The following INTS3 variants were observed in gnomAD, a reference collection of about 807,000 sequenced individuals.
The protein encoded by INTS3 is SOSS complex subunit A.
Under a neutral mutation model 146.3 loss-of-function variants are expected in INTS3, and 34 were observed. The observed-to-expected ratio is 0.23, with a 90% CI of 0.18 to 0.31. The LOEUF is 0.31. Among genes scored for constraint, INTS3 ranks in the 10% least tolerant of loss-of-function variants. The pLI is 1.00. For missense variants in INTS3, 757 were observed against 1,304.2 expected, an observed-to-expected ratio of 0.58 and a Z score of 6.46; for synonymous variants, 475 against 494.9, an observed-to-expected ratio of 0.96 and a Z score of 0.53.
At chr1:153,767,976 C>T in intron 21 of INTS3, 149 bp downstream of exon 21, 1 of 694,432 alleles carries the variant, frequency 1.4e-6, no homozygotes, top group Non-Finnish European at 2.2e-6. Flanking sequence ...CTGTCCCCTC[C>T]TTCCACTTCT....
chr1:153,761,368 G>A (rs899252646), intron 13 of INTS3: 1 of 534,562 alleles, frequency 1.9e-6, no homozygotes, highest in Non-Finnish European at 3.3e-6. Flanking sequence ...AAATTAGCCA[G>A]GTGTGATGGT....
intron 18 of INTS3, 125 bp from the exon 19 acceptor site, chr1:153,764,565 G>A: frequency 1.3e-6 from 1 of 798,714 alleles, no homozygotes; most frequent in Non-Finnish European, 2.3e-6. Context: ...CAAGCCTGCG[G>A]AGCAGCAGGA....
chr1:153,766,111 T>TTC (rs1177307531), intron 20 of INTS3, among the ~76,000 whole-genome samples: 1 of 148,970 alleles, frequency 6.7e-6, no homozygotes, highest in South Asian at 2.1e-4. Flanking sequence ...GCTTTTTTCT[T>TTC]TCTCTTTTTT....
In INTS3 at chr1:153,728,496, T is replaced by G; in HGVS notation, c.-139T>G. On this transcript the variant is annotated 5_prime_UTR_variant, in exon 1 of 30. Transcript: ENST00000318967. ...CGGCCTTTTGGAGAGGAGGGAGGAG[T>G]GGAGAGGACAGGGGCCCTTGCTCTC... The G allele has an allele frequency of 4.0e-6, 4 of 997,316 alleles. No homozygotes were observed. The highest frequency in any genetic ancestry group is 2.9e-5 in the East Asian group (1 of 34,992). 61.8% of individuals were successfully genotyped at this position (997,316 alleles called of 1,614,324 possible). A position where few individuals can be genotyped will look rare whatever the true frequency, so the allele number is the denominator to read the frequency against.
intron 18 of INTS3, 68 bp downstream of exon 18, chr1:153,764,289 G>C: frequency 9.6e-7 from 1 of 1,044,156 alleles, no homozygotes; most frequent in Non-Finnish European, 1.5e-6. Context: ...CTGAGTCCAA[G>C]AGACCCCTTA....
intron 21 of INTS3, among the ~76,000 whole-genome samples, 186 bp from the exon 22 acceptor site, chr1:153,768,707 T>G (rs1301715012): frequency 6.6e-6 from 1 of 152,074 alleles, no homozygotes; most frequent in Non-Finnish European, 1.5e-5. Flanking sequence ...TAACAAAACT[T>G]GGGGGCTTCA....
chr1:153,752,528 G>T, intron 8 of INTS3, 120 bp downstream of exon 8: 1 of 1,035,060 alleles, frequency 9.7e-7, no homozygotes, highest in Non-Finnish European at 1.4e-6. Context: ...GATTTAGGAA[G>T]CCTGGGACAG....
chr1:153,751,014 T>C, intron 6 of INTS3, 81 bp from the exon 7 acceptor site: 1 of 1,436,138 alleles, frequency 7.0e-7, no homozygotes, highest in East Asian at 2.3e-5. Flanking sequence ...TGAGGCACTG[T>C]AGCCAAGCCC....
In INTS3 at chr1:153,764,942, A is replaced by G; in HGVS notation, c.1971-2A>G. On this transcript the variant is annotated splice_acceptor_variant, in intron 19 of 29. Coordinates refer to ENST00000318967, the MANE Select transcript of INTS3 (RefSeq NM_023015.5). LOFTEE classifies it high-confidence loss of function. ...TCCTCTCCTCCCATGCCCCACCTCC[A>G]GGAACCTATGTCAGATGCAGGAAGA... 3 of 1,613,946 alleles carry G rather than the reference A, an allele frequency of 1.9e-6. No homozygotes were observed. Among genetic ancestry groups the G allele is most frequent in the Admixed American group, 1.7e-5 (1 of 59,996 alleles).
rs557248183 is a variant in INTS3 at position 153,774,128 on chromosome 1, G to C, written c.*858G>C. 3 of 152,898 alleles carry C rather than the reference G, an allele frequency of 2.0e-5. No individual in the cohort carries two copies. Among genetic ancestry groups the C allele is most frequent in the Non-Finnish European group, 4.4e-5 (3 of 67,996 alleles). The allele number at this position is 152,898 out of a possible 1,614,324, so 9.5% of individuals were successfully genotyped here. A position where few individuals can be genotyped will look rare whatever the true frequency, so the allele number is the denominator to read the frequency against. On this transcript the variant is annotated 3_prime_UTR_variant, in exon 30 of 30. Transcript: ENST00000318967. ...CATTTGCCCCGTGCATGTATAGCTT[G>C]GTCTTGATTTGATTGGCACCCCTAC... is the stretch of plus-strand genomic sequence containing the variant.
chr1:153,729,278 A>G (rs1417528258), intron 1 of INTS3, among the ~76,000 whole-genome samples: 1 of 152,176 alleles, frequency 6.6e-6, no homozygotes, highest in African/African-American at 2.4e-5. Context: ...GGGCATCTAG[A>G]ATGAGTGAAG....
At chr1:153,741,084 G>A (rs938582711) in intron 2 of INTS3, among the ~76,000 whole-genome samples, 3 of 152,118 alleles carry the variant, frequency 2.0e-5, no homozygotes, top group African/African-American at 7.2e-5. Flanking sequence ...GGGACTACAG[G>A]TGTGCACCAC....
intron 1 of INTS3, 53 bp from the exon 2 acceptor site, chr1:153,740,598 A>T (rs565155346): frequency 7.5e-7 from 1 of 1,330,406 alleles, no homozygotes; most frequent in South Asian, 1.2e-5. Context: ...GCCCAGAAGT[A>T]CTTCCTAAGT....
intron 20 of INTS3, chr1:153,767,182 A>G (rs1241626655): frequency 6.5e-6 from 1 of 152,954 alleles, no homozygotes; most frequent in East Asian, 1.9e-4. Flanking sequence ...ATGAAGCTAA[A>G]TTTGTCTATT....
intron 1 of INTS3, among the ~76,000 whole-genome samples, chr1:153,738,951 T>C (rs973161820): frequency 6.6e-6 from 1 of 151,342 alleles, no homozygotes; most frequent in African/African-American, 2.4e-5. Flanking sequence ...TGGAGTGCAA[T>C]GATGCCAACT....
chr1:153,772,357 G>T lies in INTS3; in HGVS notation c.2738G>T (p.Ser913Ile). Residue 913 changes from serine to isoleucine, a missense_variant, in exon 27 of 30, where the codon AGC (serine) becomes ATC (isoleucine). Ser to Ile is a moderately radical substitution (Grantham distance 142, BLOSUM62 -2). Transcript: ENST00000318967. The surrounding 1 kb of genome is among the most constrained non-coding windows in gnomAD (Gnocchi z 4.6). ...CTGCACAGCCTGAGGAGCTCTAGCA[G>T]CAAGCTGGCCCAGCTGACTCTGGAG... ...RKRQSLRSSSSKLAQLTLEQI... is the reference protein window; with the variant it reads ...RKRQSLRSSSIKLAQLTLEQI... The T allele has an allele frequency of 6.2e-7, 1 of 1,614,092 alleles. No homozygotes were observed. The highest frequency in any genetic ancestry group is 8.5e-7 in the Non-Finnish European group (1 of 1,180,008).
chr1:153,771,215 TC>T (rs1672846490), intron 25 of INTS3, among the ~76,000 whole-genome samples: 1 of 152,132 alleles, frequency 6.6e-6, no homozygotes, highest in Admixed American at 6.5e-5. Context: ...AGCCCCCTCT[TC>T]CCGCAAAGCC....
chr1:153,747,066 C>T lies in INTS3; in HGVS notation c.428C>T (p.Thr143Ile). The change falls in exon 4 of 30, where the codon ACT becomes ATT. Residue 143 changes from threonine to isoleucine, a missense_variant. Thr to Ile is a moderately conservative substitution (Grantham distance 89, BLOSUM62 -1). Around this residue, in one of 8 missense-constraint regions of INTS3, gnomAD observed 160 missense variants for 193.7 expected, o/e 0.83. Coordinates refer to ENST00000318967, the MANE Select transcript of INTS3 (RefSeq NM_023015.5). Reference sequence around the variant, plus strand: ...CTGAAGCTGCAGGATACCTGCCGTACTCAGGTAAGGCCAGAAAGAAAAGAC... The same window carrying T: ...CTGAAGCTGCAGGATACCTGCCGTATTCAGGTAAGGCCAGAAAGAAAAGAC... The part of the protein sequence containing the change: ...KYLKLQDTCR[T>I]QLVWLVRELV... 3 of 1,596,036 alleles carry T rather than the reference C, an allele frequency of 1.9e-6. No individual in the cohort carries two copies. The highest frequency in any genetic ancestry group is 2.6e-6 in the Non-Finnish European group (3 of 1,163,618).
At position 153,729,851 on chromosome 1, in the gene INTS3, G is replaced by A. The variant is rs559614953; in HGVS notation, c.150+1067G>A. On this transcript the variant is annotated intron_variant, in intron 1 of 29. Transcript: ENST00000318967. ...CTGCACTCCAGCCTGACGACAGAGCGAGAGACCCCGTCTCAAAAAAAAAAA... is the reference window on the plus strand; with the variant it reads ...CTGCACTCCAGCCTGACGACAGAGCAAGAGACCCCGTCTCAAAAAAAAAAA... Among the ~76,000 whole-genome samples the A allele has an allele frequency of 4.1e-5, 5 of 121,836 alleles. No individual in the cohort carries two copies. In the South Asian group the frequency reaches 8.5e-4, roughly 21 times the overall value. 79.9% of individuals were successfully genotyped at this position (121,836 alleles called of 152,430 possible). A position where few individuals can be genotyped will look rare whatever the true frequency, so the allele number is the denominator to read the frequency against.
Sources: gnomAD v4.1 joint callset for allele counts (sites outside exome capture counted in the v4.1 genomes callset) on GRCh38, gnomAD v4.1.1 for gene constraint, gnomAD v4.1.1 regional missense constraint, Gnocchi (gnomAD v3.1) non-coding constraint, MANE v1.5 for transcripts, NCBI Gene and HGNC (gene_info 2026-07-23, HGNC 2026-07-21) for gene names.